The following PEAK1 variants were observed in gnomAD, a reference collection of about 807,000 sequenced individuals.
The protein encoded by PEAK1 is inactive tyrosine-protein kinase PEAK1.
Under a neutral mutation model 124.7 loss-of-function variants are expected in PEAK1, and 54 were observed. The observed-to-expected ratio is 0.43, with a 90% CI of 0.35 to 0.54. The LOEUF (loss-of-function observed/expected upper bound fraction) is 0.54. PEAK1 is among the 20% of genes least tolerant of loss of function. The pLI, the probability that PEAK1 is intolerant of heterozygous loss-of-function variation, is 0.01. For synonymous variants in PEAK1, 719 were observed against 760.0 expected, an observed-to-expected ratio of 0.95 and a Z score of 0.89; for missense variants, 2,046 against 2,134.5, an observed-to-expected ratio of 0.96 and a Z score of 0.82.
chr15:77,102,200 A>G (rs1295847162), exon 7 of PEAK1: 1 of 152,202 alleles, frequency 6.6e-6, no homozygotes, highest in Non-Finnish European at 1.5e-5. Context: ...TCTTGTTTCT[A>G]GAAAGCTTAA....
intron 8 of PEAK1, among the ~76,000 whole-genome samples, chr15:77,143,682 T>C (rs1411500896): frequency 6.6e-6 from 1 of 152,222 alleles, no homozygotes; most frequent in African/African-American, 2.4e-5. Flanking sequence ...TCTTTAAATA[T>C]TCTGCTTCTA....
intron 5 of PEAK1, among the ~76,000 whole-genome samples, chr15:77,266,565 A>G (rs140637755): frequency 6.6e-6 from 1 of 152,224 alleles, no homozygotes; most frequent in African/African-American, 2.4e-5. Flanking sequence ...TAATGTCCAA[A>G]ATGTCTAGGT....
At chr15:77,255,723 C>T (rs1408861438) in intron 5 of PEAK1, among the ~76,000 whole-genome samples, 1 of 152,088 alleles carries the variant, frequency 6.6e-6, no homozygotes, top group Non-Finnish European at 1.5e-5. Flanking sequence ...CCATGAAATG[C>T]ATAATAATTC....
chr15:77,216,550 A>G (rs773730898), intron 6 of PEAK1, among the ~76,000 whole-genome samples: 9 of 152,352 alleles, frequency 5.9e-5, no homozygotes, highest in Non-Finnish European at 8.8e-5. Flanking sequence ...AATGCCCCAA[A>G]GAAATCAGTA....
intron 6 of PEAK1, among the ~76,000 whole-genome samples, chr15:77,217,503 C>T (rs2152872951): frequency 6.6e-6 from 1 of 152,270 alleles, no homozygotes; most frequent in South Asian, 2.1e-4. Flanking sequence ...GAGAGTCCTC[C>T]ACCACAGCAA....
chr15:77,102,568 T>C (rs1312873188), exon 7 of PEAK1: 1 of 152,236 alleles, frequency 6.6e-6, no homozygotes, highest in African/African-American at 2.4e-5. Flanking sequence ...TTTGGATTTG[T>C]ATTAGCTTAT....
chr15:77,293,639 A>C (rs2152982975), intron 2 of PEAK1, among the ~76,000 whole-genome samples: 1 of 152,312 alleles, frequency 6.6e-6, no homozygotes, highest in East Asian at 1.9e-4. Context: ...TTATAGAATT[A>C]CTTAAACGTA....
intron 7 of PEAK1, among the ~76,000 whole-genome samples, chr15:77,176,108 G>C (rs1021682849): frequency 2.6e-5 from 4 of 151,772 alleles, no homozygotes; most frequent in East Asian, 1.9e-4. Context: ...GTTGTGGGGT[G>C]GGGGGAGAGG....
intron 2 of PEAK1, among the ~76,000 whole-genome samples, chr15:77,351,506 T>C (rs762075034): frequency 6.6e-6 from 1 of 152,208 alleles, no homozygotes; most frequent in Non-Finnish European, 1.5e-5. Context: ...TAACTTTACC[T>C]CATCCTCTTC....
chr15:77,239,251 G>T (rs1032379014), intron 6 of PEAK1, among the ~76,000 whole-genome samples: 19 of 152,150 alleles, frequency 1.2e-4, no homozygotes, highest in Non-Finnish European at 2.2e-4. Context: ...TCTCATAATA[G>T]TAAGAAGGGG....
At chr15:77,393,093 G>A (rs879261340) in intron 1 of PEAK1, among the ~76,000 whole-genome samples, 1 of 152,190 alleles carries the variant, frequency 6.6e-6, no homozygotes, top group Non-Finnish European at 1.5e-5. Flanking sequence ...CTAGCCAGAG[G>A]AGAATTGCCC....
intron 6 of PEAK1, among the ~76,000 whole-genome samples, chr15:77,196,821 T>C (rs2058127052): frequency 6.6e-6 from 1 of 152,094 alleles, no homozygotes; most frequent in Non-Finnish European, 1.5e-5. Flanking sequence ...AACAATATAC[T>C]TTAACCTTCT....
At chr15:77,395,693 A>G (rs2070824920) in intron 1 of PEAK1, among the ~76,000 whole-genome samples, 1 of 152,208 alleles carries the variant, frequency 6.6e-6, no homozygotes, top group Non-Finnish European at 1.5e-5. Context: ...CCTTTATCCT[A>G]GAGTAGTATA....
chr15:77,147,256 C>A (rs190392176), intron 8 of PEAK1, among the ~76,000 whole-genome samples: 165 of 152,282 alleles, frequency 1.1e-3, no homozygotes, highest in Non-Finnish European at 1.4e-3. Flanking sequence ...TGGTAATCTT[C>A]TAAAGTCAAA....
chr15:77,174,738 T>C (rs542908396), intron 7 of PEAK1, among the ~76,000 whole-genome samples: 18 of 152,230 alleles, frequency 1.2e-4, no homozygotes, highest in East Asian at 9.6e-4. Context: ...CTTCACAGAA[T>C]TGGAAAAAAC....
intron 8 of PEAK1, among the ~76,000 whole-genome samples, chr15:77,144,915 G>A (rs1258710296): frequency 6.6e-6 from 1 of 152,076 alleles, no homozygotes; most frequent in Non-Finnish European, 1.5e-5. Flanking sequence ...TTCCTGTCAA[G>A]CCCCTGGGAC....
intron 2 of PEAK1, chr15:77,349,006 C>A: frequency 1.1e-6 from 1 of 950,036 alleles, no homozygotes; most frequent in Non-Finnish European, 1.3e-6. Flanking sequence ...CAAAAAAATG[C>A]CTTAGCAAGC....
At position 77,283,921 on chromosome 15, in the gene PEAK1, T is replaced by C. The variant is rs1169021563; in HGVS notation, c.-313A>G. 1.0e-6 allele frequency: 1 copy of C among 982,108 alleles called. No homozygotes were observed. 60.8% of individuals were successfully genotyped at this position (982,108 alleles called of 1,614,324 possible). A position where few individuals can be genotyped will look rare whatever the true frequency, so the allele number is the denominator to read the frequency against. ...TTATTTATATAGCTGTAGTCATTACTACTTTCATATTAGAAAATGTTTGTT... is the reference window on the plus strand; with the variant it reads ...TTATTTATATAGCTGTAGTCATTACCACTTTCATATTAGAAAATGTTTGTT... On this transcript the variant is annotated 5_prime_UTR_variant, in exon 5 of 10. Coordinates refer to ENST00000682557, the MANE Select transcript of PEAK1 (RefSeq NM_001385026.1).
At chr15:77,378,244 G>C (rs904935055) in intron 1 of PEAK1, among the ~76,000 whole-genome samples, 34 of 149,860 alleles carry the variant, frequency 2.3e-4, no homozygotes, top group African/African-American at 8.3e-4. Flanking sequence ...CAAGCATTTT[G>C]TAATTCTTAT....
Sources: gnomAD v4.1 joint callset for allele counts (sites outside exome capture counted in the v4.1 genomes callset) on GRCh38, gnomAD v4.1.1 for gene constraint, MANE v1.5 for transcripts, NCBI Gene and HGNC (gene_info 2026-07-23, HGNC 2026-07-21) for gene names.